Variants in WDR62 observed in about 807,000 individuals in gnomAD.
The protein encoded by WDR62 is WD repeat-containing protein 62.
Under a neutral mutation model 160.6 loss-of-function variants are expected in WDR62, and 112 were observed. The observed-to-expected ratio is 0.70, with a 90% CI of 0.60 to 0.82. The LOEUF is 0.82. Among genes scored for constraint, WDR62 ranks in the 40% least tolerant of loss-of-function variants. The pLI is 0.00. For synonymous variants in WDR62, 792 were observed against 815.1 expected, an observed-to-expected ratio of 0.97 and a Z score of 0.48; for missense variants, 1,819 against 1,983.8, an observed-to-expected ratio of 0.92 and a Z score of 1.58.
chr19:36,068,858 A>G (rs1971092714), intron 7 of WDR62, among the ~76,000 whole-genome samples: 1 of 151,666 alleles, frequency 6.6e-6, no homozygotes, highest in South Asian at 2.1e-4. Flanking sequence ...CCCGTTCTCA[A>G]TGAGCTGTTG....
chr19:36,066,240 G>C lies in WDR62; in HGVS notation c.391-17G>C. ...CAGTACAGAGCCCAGCAGCAGTAAC[G>C]ACCCCACCTTCCCTAGAATGGGCAT... On this transcript the variant is annotated splice_polypyrimidine_tract_variant and intron_variant, in intron 4 of 31. Coordinates refer to ENST00000401500, the MANE Select transcript of WDR62 (RefSeq NM_001083961.2). 6.2e-7 allele frequency: 1 copy of C among 1,613,950 alleles called. No individual in the cohort carries two copies.
At chr19:36,106,362 CAAAAA>C (rs10668126), downstream of WDR62, among the ~76,000 whole-genome samples, 18 of 115,242 alleles carry the variant, frequency 1.6e-4, no homozygotes, top group East Asian at 4.8e-4. Flanking sequence ...CAGCAAGTCT[CAAAAA>C]AAAAAAAAAA....
chr19:36,092,839 G>C, intron 19 of WDR62, 28 bp downstream of exon 19: 1 of 1,613,504 alleles, frequency 6.2e-7, no homozygotes, highest in Non-Finnish European at 8.5e-7. Context: ...CTGTCCACCA[G>C]AGGGATGAGT....
chr19:36,092,381 GGTGGTACTCAAGGAA>G (rs2145792758), intron 18 of WDR62, among the ~76,000 whole-genome samples: 1 of 152,126 alleles, frequency 6.6e-6, no homozygotes, highest in South Asian at 2.1e-4. Flanking sequence ...TTAGCACATG[GGTGGTACTCAAGGAA>G]GTCCCTTTTG....
chr19:36,106,337 T>C (rs4806273), downstream of WDR62, among the ~76,000 whole-genome samples: 99,731 of 147,512 alleles, frequency 0.68, 34,225 homozygotes, highest in African/African-American at 0.79. Context: ...TCATTGTACT[T>C]CAGCCTGGGT....
At chr19:36,067,188 G>A (rs1970984407) in intron 5 of WDR62, 118 bp from the exon 6 acceptor site, 1 of 1,374,664 alleles carries the variant, frequency 7.3e-7, no homozygotes, top group South Asian at 1.2e-5. Flanking sequence ...TCCCTGGAGG[G>A]TCCCAGGAAG....
chr19:36,082,582 T>C (rs571735173), intron 10 of WDR62, among the ~76,000 whole-genome samples: 1 of 152,232 alleles, frequency 6.6e-6, no homozygotes, highest in African/African-American at 2.4e-5. Flanking sequence ...CCTCTGTACC[T>C]GTGACATACA....
Position 36,071,694 on chromosome 19 carries a change from G to T in WDR62, c.1021G>T (p.Val341Leu). The change falls in exon 8 of 32, where the codon GTG becomes TTG. Residue 341 changes from valine to leucine, a missense_variant. Coordinates refer to ENST00000401500, the MANE Select transcript of WDR62 (RefSeq NM_001083961.2). ...CAAGCCACACTACCTTGGGGTAGACGTGGCACAGGGCCTGGAGCCCAGGTA... is the reference window on the plus strand; with the variant it reads ...CAAGCCACACTACCTTGGGGTAGACTTGGCACAGGGCCTGGAGCCCAGGTA... ...LPKPHYLGVD[V>L]AQGLEPSFLF... 1 of 1,614,036 alleles carries T rather than the reference G, an allele frequency of 6.2e-7. No homozygotes were observed. The highest frequency in any genetic ancestry group is 8.5e-7 in the Non-Finnish European group (1 of 1,179,974).
In WDR62 at chr19:36,083,129, G is replaced by A. The variant is rs1256633958; in HGVS notation, c.1438G>A (p.Asp480Asn). The change falls in exon 11 of 32, where the codon GAC becomes AAC. Residue 480 changes from aspartate (D) to asparagine (N), a missense_variant. This residue lies in a region of WDR62 where 934 missense variants were observed against 1,157.2 expected (regional missense o/e 0.81). Coordinates refer to ENST00000401500, the MANE Select transcript of WDR62 (RefSeq NM_001083961.2). ...QHLQDMSHFP[D>N]RGSENGTPMD... is the part of the protein sequence containing the mutation. ...CCTGCAGGACATGTCACACTTCCCA[G>A]ACCGGGGGAGCGAGAATGGGACACC... 2 of 1,613,678 alleles carry A rather than the reference G, an allele frequency of 1.2e-6. No individual in the cohort carries two copies. The highest frequency in any genetic ancestry group is 2.7e-5 in the African/African-American group (2 of 74,930).
rs1460940112 is a variant in WDR62 at position 36,081,583 on chromosome 19, C to G, written c.1371+13C>G. ...CATCTTCAGCAATGTGAGTGGCTTC[C>G]TTTGTGAACCATCTTTCAGGAGGAA... On this transcript the variant is annotated intron_variant, in intron 10 of 31. Coordinates refer to ENST00000401500, the MANE Select transcript of WDR62 (RefSeq NM_001083961.2). 1 of 1,614,172 alleles carries G rather than the reference C, an allele frequency of 6.2e-7. No homozygotes were observed. Among genetic ancestry groups the G allele is most frequent in the African/African-American group, 1.3e-5 (1 of 75,050 alleles).
At position 36,054,914 on chromosome 19, in the gene WDR62, TGGCGGTGGC is replaced by T; in HGVS notation, c.-54_-46del. On this transcript the variant is annotated 5_prime_UTR_variant, in exon 1 of 32. Coordinates refer to ENST00000401500, the MANE Select transcript of WDR62 (RefSeq NM_001083961.2). Reference sequence around the variant, plus strand: ...GGCTGTTCGCTGTTCCAGTGGGTCGTGGCGGTGGCGGCAGCGGCGGTTAGGGGATGTAAC... The same window carrying T: ...GGCTGTTCGCTGTTCCAGTGGGTCGTGGCAGCGGCGGTTAGGGGATGTAAC... 2.6e-6 allele frequency: 4 copies of T among 1,542,188 alleles called. No homozygotes were observed. Among genetic ancestry groups the T allele is most frequent in the Non-Finnish European group, 3.5e-6 (4 of 1,145,108 alleles).
intron 9 of WDR62, among the ~76,000 whole-genome samples, chr19:36,076,583 AAG>A (rs886768246): frequency 4.0e-5 from 6 of 151,760 alleles, no homozygotes; most frequent in African/African-American, 1.5e-4. Flanking sequence ...AAAAAAGAGA[AAG>A]AGAAGGCCAG....
rs757886360 is a variant in WDR62 at position 36,100,763 on chromosome 19, G to C, written c.2755G>C (p.Glu919Gln). Residue 919 changes from glutamate to glutamine, a missense_variant, in exon 23 of 32, where the codon GAA becomes CAA. Glu to Gln is a conservative substitution (Grantham distance 29). Around this residue, in one of 3 missense-constraint regions of WDR62, gnomAD observed 934 missense variants for 1,157.2 expected, o/e 0.81. Coordinates refer to ENST00000401500, the MANE Select transcript of WDR62 (RefSeq NM_001083961.2). ...SLLSESESPQEAGRGHPSFLP... is the reference protein window; with the variant it reads ...SLLSESESPQQAGRGHPSFLP... ...TTCCCCATAGTCAGAGAGTCCCCAG[G>C]AAGCTGGCCGCGGGCACCCCTCCTT... 2 of 1,614,154 alleles carry C rather than the reference G, an allele frequency of 1.2e-6. No homozygotes were observed. Among genetic ancestry groups the C allele is most frequent in the East Asian group, 4.5e-5 (2 of 44,878 alleles).
chr19:36,101,627 C>T, intron 24 of WDR62, 37 bp from the exon 25 acceptor site: 1 of 1,497,772 alleles, frequency 6.7e-7, no homozygotes, highest in Non-Finnish European at 9.1e-7. Context: ...CCAGAATGGT[C>T]AGGCTGTGGG....
rs147173765 is a variant in WDR62, at chr19:36,078,125, T to A, written c.1234-3308T>A. On this transcript the variant is annotated intron_variant, in intron 9 of 31. Coordinates refer to ENST00000401500, the MANE Select transcript of WDR62 (RefSeq NM_001083961.2). The stretch of plus-strand genomic sequence containing the variant: ...TTATGGCTGTTGCGAATACCACTGC[T>A]ATGAACATGTAAGTACAAGTTTTTT... Among the ~76,000 whole-genome samples, 84 of 152,092 alleles carry A rather than the reference T, an allele frequency of 5.5e-4. 1 individual carries two copies. In the East Asian group the frequency reaches 0.014, roughly 26 times the overall value.
At chr19:36,087,177 C>T (rs1228472037) in intron 13 of WDR62, among the ~76,000 whole-genome samples, 1 of 150,000 alleles carries the variant, frequency 6.7e-6, no homozygotes, top group Non-Finnish European at 1.5e-5. Context: ...GGCTGCACTC[C>T]AGCCTAGGCA....
chr19:36,103,599 G>C lies in WDR62; in HGVS notation c.3771G>C (p.Glu1257Asp). 1 of 1,613,132 alleles carries C rather than the reference G, an allele frequency of 6.2e-7. No homozygotes were observed. The highest frequency in any genetic ancestry group is 8.5e-7 in the Non-Finnish European group (1 of 1,180,012). The change falls in exon 30 of 32, where the codon GAG becomes GAC. Residue 1257 changes from glutamate to aspartate, a missense_variant. Glu to Asp is a conservative substitution (Grantham distance 45). Coordinates refer to ENST00000401500, the MANE Select transcript of WDR62 (RefSeq NM_001083961.2). ...TCCGTAGGCCATCGTCCGTTGGGGA[G>C]CTGGCCTCCTTGGGCCAGGAGCTTC... ...QPLRRPSSVGELASLGQELQA... is the reference protein window; with the variant it reads ...QPLRRPSSVGDLASLGQELQA...
At chr19:36,059,431 CTCTT>C (rs1180553246) in intron 2 of WDR62, among the ~76,000 whole-genome samples, 2 of 152,176 alleles carry the variant, frequency 1.3e-5, no homozygotes, top group East Asian at 1.9e-4. Flanking sequence ...CCCTCTTTCT[CTCTT>C]TTTGTTTTGT....
intron 26 of WDR62, 50 bp from the exon 27 acceptor site, chr19:36,102,687 G>A: frequency 4.4e-6 from 7 of 1,574,260 alleles, no homozygotes; most frequent in Non-Finnish European, 6.1e-6. Flanking sequence ...CTAGGGCCAG[G>A]GCTGCTCGGC....
Sources: gnomAD v4.1 joint callset for allele counts (sites outside exome capture counted in the v4.1 genomes callset) on GRCh38, gnomAD v4.1.1 for gene constraint, gnomAD v4.1.1 regional missense constraint, MANE v1.5 for transcripts, NCBI Gene and HGNC (gene_info 2026-07-23, HGNC 2026-07-21) for gene names.